The following HDAC9 variants were observed in gnomAD, a reference collection of about 807,000 sequenced individuals.
HDAC9 encodes histone deacetylase 9.
In HDAC9, 41 loss-of-function variants were observed where a neutral mutation model predicts 139.4. The ratio of observed to expected loss-of-function variants is 0.29; its 90% CI spans 0.23 to 0.38. The LOEUF (loss-of-function observed/expected upper bound fraction) is 0.38. HDAC9 is among the 10% of genes least tolerant of loss of function. HDAC9 has a pLI of 1.00. For missense variants in HDAC9, 1,147 were observed against 1,297.0 expected, an observed-to-expected ratio of 0.88 and a Z score of 1.78; for synonymous variants, 517 against 476.2, an observed-to-expected ratio of 1.09 and a Z score of -1.12.
chr7:18,894,645 A>G (rs1261690703), intron 22 of HDAC9, among the ~76,000 whole-genome samples: 4 of 152,108 alleles, frequency 2.6e-5, no homozygotes, highest in Non-Finnish European at 1.5e-5. Flanking sequence ...CGGGGAAGAG[A>G]TCAATGGAGC....
intron 2 of HDAC9, among the ~76,000 whole-genome samples, chr7:18,219,041 T>C (rs2128173955): frequency 6.6e-6 from 1 of 152,292 alleles, no homozygotes; most frequent in East Asian, 1.9e-4. Flanking sequence ...AAATGATGCC[T>C]AACTTCTTAT....
chr7:18,794,322 G>T (rs535943207), intron 17 of HDAC9, among the ~76,000 whole-genome samples: 1 of 52,302 alleles, frequency 1.9e-5, no homozygotes, highest in Non-Finnish European at 4.8e-5. Context: ...GTGAAACCAA[G>T]ATAAAATGTA....
At chr7:18,744,695 T>C (rs995629985) in intron 13 of HDAC9, among the ~76,000 whole-genome samples, 4 of 152,068 alleles carry the variant, frequency 2.6e-5, no homozygotes, top group Non-Finnish European at 5.9e-5. Flanking sequence ...ATAGATTATA[T>C]GGCTAAAAAA....
chr7:18,717,518 G>GC (rs1464918503), intron 12 of HDAC9, among the ~76,000 whole-genome samples: 1 of 145,568 alleles, frequency 6.9e-6, no homozygotes, highest in African/African-American at 2.6e-5. Flanking sequence ...TGCAACCTCC[G>GC]CCCCCCAGGT....
chr7:18,282,838 T>C (rs1337905409), intron 2 of HDAC9, among the ~76,000 whole-genome samples: 1 of 152,012 alleles, frequency 6.6e-6, no homozygotes, highest in Admixed American at 6.6e-5. Context: ...ATTTGATTGA[T>C]TAAAGATTCC....
chr7:18,671,652 G>C (rs1326512418), intron 12 of HDAC9, among the ~76,000 whole-genome samples: 1 of 151,904 alleles, frequency 6.6e-6, no homozygotes, highest in Non-Finnish European at 1.5e-5. Flanking sequence ...GCCATCACTA[G>C]TATCTAATTC....
chr7:18,544,194 C>G (rs77817370), intron 2 of HDAC9, among the ~76,000 whole-genome samples: 3,260 of 152,168 alleles, frequency 0.021, 125 homozygotes, highest in African/African-American at 0.074. Flanking sequence ...GGTGACAACA[C>G]TGGAGGTGGG....
chr7:18,624,715 G>A (rs373380186), intron 6 of HDAC9, among the ~76,000 whole-genome samples: 5 of 151,824 alleles, frequency 3.3e-5, no homozygotes, highest in South Asian at 4.2e-4. Context: ...AACTGCAAAC[G>A]GAGTCAGCAC....
rs1361481223 is a variant in HDAC9 at position 18,483,077 on chromosome 7, A to G, written c.-41-13185A>G. Reference sequence around the variant, plus strand: ...ATGCATTATATAGTATATGCATTATATACAGTAAATTACGCTTTATATACT... The same window carrying G: ...ATGCATTATATAGTATATGCATTATGTACAGTAAATTACGCTTTATATACT... On this transcript the variant is annotated intron_variant, in intron 1 of 3. Transcript: ENST00000413509. Among the ~76,000 whole-genome samples, 4 of 152,358 alleles carry G rather than the reference A, an allele frequency of 2.6e-5. No individual in the cohort carries two copies. The East Asian group carries it at 7.7e-4, about 29-fold the overall frequency.
intron 17 of HDAC9, among the ~76,000 whole-genome samples, chr7:18,815,521 C>G (rs1347509626): frequency 1.3e-5 from 2 of 152,238 alleles, no homozygotes; most frequent in East Asian, 3.8e-4. Context: ...GCACCATCAT[C>G]AGGTGCCCTG....
At chr7:18,772,665 T>C (rs1307459323) in intron 16 of HDAC9, among the ~76,000 whole-genome samples, 1 of 152,066 alleles carries the variant, frequency 6.6e-6, no homozygotes, top group Non-Finnish European at 1.5e-5. Flanking sequence ...TTAGAATCTC[T>C]CTTTTTTATA....
At chr7:18,667,237 T>C in intron 12 of HDAC9, 1 of 985,312 alleles carries the variant, frequency 1.0e-6, no homozygotes, top group Non-Finnish European at 1.2e-6. Context: ...ATGAAGCAGA[T>C]GCAAATGTTA....
At chr7:18,746,952 A>T (rs1426316096) in intron 13 of HDAC9, among the ~76,000 whole-genome samples, 1 of 152,204 alleles carries the variant, frequency 6.6e-6, no homozygotes, top group Non-Finnish European at 1.5e-5. Flanking sequence ...TATGCTTGGT[A>T]GAGGAGGTGA....
chr7:18,162,363 C>T lies in HDAC9; in HGVS notation c.25+14C>T, dbSNP rs1189846519. On this transcript the variant is annotated intron_variant, in intron 2 of 12. Coordinates refer to the HDAC9 transcript ENST00000417496. ...CTGCACAGCCTGGTCAGTCTGGTTG[C>T]TTCTTAAACTGTTAATAGACTTCAT... The T allele has an allele frequency of 2.6e-6, 4 of 1,532,722 alleles. No homozygotes were observed. The South Asian group carries it at 3.6e-5, about 14-fold the overall frequency. 94.9% of individuals were successfully genotyped at this position (1,532,722 alleles called of 1,614,324 possible).
chr7:18,474,610 G>T (rs1297655096), intron 1 of HDAC9, among the ~76,000 whole-genome samples: 5 of 152,148 alleles, frequency 3.3e-5, no homozygotes, highest in African/African-American at 1.2e-4. Flanking sequence ...AGCATTTAAA[G>T]CATGTTTGAA....
At chr7:18,832,790 C>G (rs1372490702) in intron 19 of HDAC9, among the ~76,000 whole-genome samples, 1 of 152,046 alleles carries the variant, frequency 6.6e-6, no homozygotes, top group East Asian at 1.9e-4. Flanking sequence ...GGCTGGAGTG[C>G]AATGGCACGA....
chr7:18,297,814 G>T (rs185325731), intron 1 of HDAC9, among the ~76,000 whole-genome samples: 295 of 152,182 alleles, frequency 1.9e-3, no homozygotes, highest in Non-Finnish European at 3.3e-3. Flanking sequence ...TAGTTTCTTT[G>T]GTCCTACATT....
At chr7:18,806,147 G>A (rs1049671861) in intron 17 of HDAC9, among the ~76,000 whole-genome samples, 8 of 152,130 alleles carry the variant, frequency 5.3e-5, no homozygotes, top group African/African-American at 1.9e-4. Flanking sequence ...ACTAAAGAAA[G>A]ACTAGGGCTT....
intron 22 of HDAC9, among the ~76,000 whole-genome samples, chr7:18,875,661 GACAA>G (rs1044658291): frequency 6.6e-4 from 100 of 152,188 alleles, no homozygotes; most frequent in African/African-American, 2.2e-3. Context: ...ACTCTACAAA[GACAA>G]ACAAAGCAAA....
Sources: gnomAD v4.1 joint callset for allele counts (sites outside exome capture counted in the v4.1 genomes callset) on GRCh38, gnomAD v4.1.1 for gene constraint, MANE v1.5 for transcripts, NCBI Gene and HGNC (gene_info 2026-07-23, HGNC 2026-07-21) for gene names.